SHOX: variants seen among roughly 807,000 people sequenced by gnomAD.
SHOX encodes the protein SHOX homeobox.
A neutral mutation model predicts 29.6 loss-of-function variants in SHOX; 12 were observed. The observed-to-expected ratio is 0.41, with a 90% CI of 0.26 to 0.66. The LOEUF (loss-of-function observed/expected upper bound fraction) is 0.66. Ranked by LOEUF, SHOX falls within the 30% of genes least tolerant of loss-of-function variation. The probability of loss-of-function intolerance (pLI) is 0.35; values close to 1 mark genes in which losing one functional copy is unlikely to be tolerated. For synonymous variants in SHOX, 214 were observed against 200.6 expected (o/e 1.07, Z -0.57); for missense variants, 499 against 437.7 (o/e 1.14, Z -1.25).
At chrX:626,813 TTCTC>T (rs1225133011), upstream of SHOX, among the ~76,000 whole-genome samples, 12 of 128,410 alleles carry the variant, frequency 9.3e-5, no homozygotes, top group African/African-American at 2.4e-4. Context: ...CTGTCTCTCT[TTCTC>T]TCTCTCCTCT....
rs2052843024 is a variant in SHOX, at chrX:640,987, C to T, written c.545-12C>T. On this transcript the variant is annotated splice_polypyrimidine_tract_variant and intron_variant, in intron 3 of 4. Coordinates refer to ENST00000686671, the MANE Select transcript of SHOX (RefSeq NM_000451.4). ...GGACCACCACACTGACACCTGCTCC[C>T]TTTGGACACAGGCGTCATCTTGGGC... 1 of 1,613,862 alleles carries T rather than the reference C, an allele frequency of 6.2e-7. No individual in the cohort carries two copies. The highest frequency in any genetic ancestry group is 1.7e-4 in the Middle Eastern group (1 of 5,956).
In SHOX at chrX:650,447, T is replaced by C. The variant is rs1170865420; in HGVS notation, c.*5811T>C. Among the ~76,000 whole-genome samples, 2 of 152,138 alleles carry C rather than the reference T, an allele frequency of 1.3e-5. No individual in the cohort carries two copies. Among genetic ancestry groups the C allele is most frequent in the Non-Finnish European group, 2.9e-5 (2 of 68,034 alleles). On this transcript the variant is annotated 3_prime_UTR_variant, in exon 5 of 5. Transcript: ENST00000686671. Reference sequence around the variant, plus strand: ...GTCAGCACGTGGGAGCATCTGTGGATACCGCAGAGTCTGGGGACAGCTGGG... The same window carrying C: ...GTCAGCACGTGGGAGCATCTGTGGACACCGCAGAGTCTGGGGACAGCTGGG...
Position 630,954 on chromosome X carries a change from T to A in SHOX, c.57T>A (p.Gly19=), listed in dbSNP as rs2052636084. The change falls in exon 1 of 5, where the codon GGT becomes GGA. Residue 19 remains glycine (G), a synonymous_variant. Coordinates refer to ENST00000686671, the MANE Select transcript of SHOX (RefSeq NM_000451.4). Reference sequence around the variant, plus strand: ...CTTTTGACCAGAAAAGCAAGGACGGTAACGGCGGAGGCGGAGGCGGCGGAG... The same window carrying A: ...CTTTTGACCAGAAAAGCAAGGACGGAAACGGCGGAGGCGGAGGCGGCGGAG... ...SKSFDQKSKD[G]NGGGGGGGGK... The A allele has an allele frequency of 1.9e-6, 3 of 1,613,600 alleles. No homozygotes were observed. Among genetic ancestry groups the A allele is most frequent in the African/African-American group, 2.7e-5 (2 of 74,866 alleles).
intron 5 of SHOX, among the ~76,000 whole-genome samples, chrX:658,138 C>G (rs1393169980): frequency 6.6e-6 from 1 of 151,860 alleles, no homozygotes; most frequent in Non-Finnish European, 1.5e-5. Flanking sequence ...CCACGCCTGG[C>G]TAATGTTTGT....
chrX:655,596 CTCTCTCTCTCTCTCTCTCTATATATA>C (rs1222747890), downstream of SHOX, among the ~76,000 whole-genome samples: 34 of 68,790 alleles, frequency 4.9e-4, no homozygotes, highest in African/African-American at 1.1e-3. Context: ...CTCTCTCTCT[CTCTCTCTCTCTCTCTCTCTATATATA>C]TATATATATA....
rs1041746043 is a variant in SHOX at position 651,427 on chromosome X, A to T, written c.*6791A>T. ...CAAACAAACAGAAAAAAAAACCAAA[A>T]AAAACCACCCTGAGTTTCTCTGGTG... On this transcript the variant is annotated 3_prime_UTR_variant, in exon 5 of 5. Transcript: ENST00000686671. 2.2e-6 allele frequency: 1 copy of T among 453,902 alleles called. No homozygotes were observed. Among genetic ancestry groups the T allele is most frequent in the Middle Eastern group, 3.3e-4 (1 of 3,062 alleles). The allele number at this position is 453,902 out of a possible 1,614,324, so 28.1% of individuals were successfully genotyped here. A position where few individuals can be genotyped will look rare whatever the true frequency, so the allele number is the denominator to read the frequency against.
At position 651,517 on chromosome X, in the gene SHOX, G is replaced by C. The variant is rs780320374; in HGVS notation, c.*6881G>C. On this transcript the variant is annotated 3_prime_UTR_variant, in exon 5 of 5. Transcript: ENST00000686671. ...AGTTGCAGCAACAGACTGTATTTTT[G>C]TGACGCCCCGTAGTATGAATGTACA... is the stretch of plus-strand genomic sequence containing the variant. 1.2e-5 allele frequency: 5 copies of C among 407,824 alleles called. No homozygotes were observed. Among genetic ancestry groups the C allele is most frequent in the African/African-American group, 1.1e-4 (5 of 47,534 alleles). 25.3% of individuals were successfully genotyped at this position (407,824 alleles called of 1,614,324 possible). A position where few individuals can be genotyped will look rare whatever the true frequency, so the allele number is the denominator to read the frequency against.
downstream of SHOX, among the ~76,000 whole-genome samples, chrX:653,794 G>C (rs1274775065): frequency 6.6e-6 from 1 of 152,006 alleles, no homozygotes; most frequent in Non-Finnish European, 1.5e-5. Context: ...GGCTTCTGTT[G>C]GTGTTAGACT....
At chrX:633,221 G>T (rs2052680176) in intron 1 of SHOX, among the ~76,000 whole-genome samples, 1 of 152,060 alleles carries the variant, frequency 6.6e-6, no homozygotes, top group Admixed American at 6.6e-5. Context: ...GGAACAGCGT[G>T]TCCCCGCCGA....
downstream of SHOX, among the ~76,000 whole-genome samples, chrX:655,753 T>C (rs779181631): frequency 1.3e-4 from 20 of 151,850 alleles, 1 homozygote; most frequent in South Asian, 3.1e-3. Context: ...GGAAGTTGTA[T>C]TGAATGAGAA....
At chrX:628,651 C>G (rs1241293781), upstream of SHOX, among the ~76,000 whole-genome samples, 3 of 13,860 alleles carry the variant, frequency 2.2e-4, no homozygotes, top group African/African-American at 1.7e-3. Context: ...CCATCTCTCT[C>G]TGTCTCTCCC....
Position 644,817 on chromosome X carries a change from G to GC in SHOX, c.*183dup. On this transcript the variant is annotated 3_prime_UTR_variant, in exon 5 of 5. Transcript: ENST00000686671. ...CCCGGGACCGTCCACGCACGACCCA[G>GC]CCAGACCCTCGCGGAGATGGTGCAG... 1.3e-6 allele frequency: 1 copy of GC among 792,804 alleles called. No individual in the cohort carries two copies. Among genetic ancestry groups the GC allele is most frequent in the Non-Finnish European group, 1.8e-6 (1 of 561,206 alleles). The allele number at this position is 792,804 out of a possible 1,614,324, so 49.1% of individuals were successfully genotyped here. A position where few individuals can be genotyped will look rare whatever the true frequency, so the allele number is the denominator to read the frequency against.
intron 1 of SHOX, among the ~76,000 whole-genome samples, chrX:632,604 C>G (rs749884291): frequency 6.6e-6 from 1 of 152,230 alleles, no homozygotes; most frequent in East Asian, 1.9e-4. Flanking sequence ...GGGAAATAGC[C>G]CTTGTATTCG....
chrX:644,621 G>A lies in SHOX; in HGVS notation c.864G>A (p.Glu288=), dbSNP rs781656634. 3.5e-4 allele frequency: 522 copies of A among 1,498,760 alleles called. No individual in the cohort carries two copies. In the African/African-American group the frequency reaches 6.6e-3, roughly 19 times the overall value. The allele number at this position is 1,498,760 out of a possible 1,614,324, so 92.8% of individuals were successfully genotyped here. A position where few individuals can be genotyped will look rare whatever the true frequency, so the allele number is the denominator to read the frequency against. ...DLRLKARKHA[E]ALGL is the part of the protein sequence containing the mutation. ...GGCTCAAGGCGCGGAAGCACGCGGA[G>A]GCCCTGGGGCTCTGACCCGCCGCGC... Residue 288 remains glutamate, a synonymous_variant, in exon 5 of 5, where the codon GAG becomes GAA. Transcript: ENST00000686671.
chrX:626,797 CTA>C (rs2052546698), upstream of SHOX, among the ~76,000 whole-genome samples: 1 of 144,872 alleles, frequency 6.9e-6, no homozygotes, highest in African/African-American at 2.7e-5. Context: ...CTCTGTATCT[CTA>C]TCTCTGTCTC....
chrX:634,789 T>C lies in SHOX; in HGVS notation c.449T>C (p.Leu150Pro). 6.3e-7 allele frequency: 1 copy of C among 1,597,168 alleles called. No individual in the cohort carries two copies. Among genetic ancestry groups the C allele is most frequent in the Non-Finnish European group, 8.5e-7 (1 of 1,172,250 alleles). Reference protein sequence around the residue: ...HYPDAFMREELSQRLGLSEAR... With the variant: ...HYPDAFMREEPSQRLGLSEAR... ...CCCGACGCCTTCATGCGCGAGGAGC[T>C]CAGCCAGCGCCTGGGGCTCTCCGAG... is the stretch of plus-strand genomic sequence containing the variant. The change falls in exon 2 of 5, where the codon CTC (leucine) becomes CCC (proline). Residue 150 changes from leucine (L) to proline (P), a missense_variant. Transcript: ENST00000686671.
Position 648,579 on chromosome X carries a change from G to T in SHOX, c.*3943G>T, listed in dbSNP as rs373763626. Among the ~76,000 whole-genome samples, 1 of 152,290 alleles carries T rather than the reference G, an allele frequency of 6.6e-6. No homozygotes were observed. The highest frequency in any genetic ancestry group is 1.9e-4 in the East Asian group (1 of 5,182). ...TACTGACTCTCAACTGTGCGGGGAC[G>T]GTTTCAGTTTGATTTAATATGGAAA... is the stretch of plus-strand genomic sequence containing the variant. On this transcript the variant is annotated 3_prime_UTR_variant, in exon 5 of 5. Coordinates refer to ENST00000686671, the MANE Select transcript of SHOX (RefSeq NM_000451.4).
chrX:634,658 G>A lies in SHOX; in HGVS notation c.318G>A (p.Ser106=), dbSNP rs2052710102. ...ECKEKREDVK[S]EDEDGQTKLK... is the part of the protein sequence containing the mutation. ...AAGAGAAGCGCGAGGACGTGAAGTC[G>A]GAGGACGAGGACGGGCAGACCAAGC... The change falls in exon 2 of 5, where the codon TCG becomes TCA. Residue 106 remains serine (S), a synonymous_variant. Transcript: ENST00000686671. The A allele has an allele frequency of 1.9e-6, 3 of 1,613,894 alleles. No individual in the cohort carries two copies. The highest frequency in any genetic ancestry group is 1.7e-4 in the Middle Eastern group (1 of 5,988).
downstream of SHOX, among the ~76,000 whole-genome samples, chrX:652,085 C>A (rs1243195422): frequency 6.6e-6 from 1 of 151,986 alleles, no homozygotes. Context: ...CCACCGCGCC[C>A]GGCTCATTTT....
Sources: allele counts gnomAD v4.1 joint callset (sites outside exome capture counted in the v4.1 genomes callset), GRCh38; gene constraint gnomAD v4.1.1; transcripts MANE v1.5; gene names NCBI Gene and HGNC (gene_info 2026-07-23, HGNC 2026-07-21).